The following ZCWPW2 variants were observed in gnomAD, a reference collection of about 807,000 sequenced individuals.
ZCWPW2 encodes zinc finger CW-type and PWWP domain containing 2.
A neutral mutation model predicts 46.6 loss-of-function variants in ZCWPW2; 45 were observed. The ratio of observed to expected loss-of-function variants is 0.96; its 90% CI spans 0.76 to 1.24. The LOEUF (loss-of-function observed/expected upper bound fraction) is 1.24, where lower values mean the gene tolerates loss of function less well. Ranked by LOEUF, ZCWPW2 falls within the 50% of genes most tolerant of loss-of-function variation. The pLI is 0.00. For missense variants in ZCWPW2, 429 were observed against 403.9 expected (o/e 1.06, Z -0.53); for synonymous variants, 152 against 137.1 (o/e 1.11, Z -0.76).
At chr3:28,486,265 A>G (rs1699596443) in intron 5 of ZCWPW2, among the ~76,000 whole-genome samples, 1 of 152,178 alleles carries the variant, frequency 6.6e-6, no homozygotes, top group East Asian at 1.9e-4. Context: ...TTACTTATAT[A>G]TAAGCATATA....
At chr3:28,513,023 T>G (rs1468148140) in intron 6 of ZCWPW2, among the ~76,000 whole-genome samples, 1 of 152,156 alleles carries the variant, frequency 6.6e-6, no homozygotes, top group African/African-American at 2.4e-5. Context: ...AGCAAAACAT[T>G]TCCAGAACTC....
At chr3:28,355,004 G>C (rs1321464123) in intron 1 of ZCWPW2, among the ~76,000 whole-genome samples, 1 of 147,230 alleles carries the variant, frequency 6.8e-6, no homozygotes, top group Non-Finnish European at 1.5e-5. Context: ...TCTGGCCAGG[G>C]TAATCAGGCA....
chr3:28,424,485 G>GA (rs1440403565), intron 3 of ZCWPW2, among the ~76,000 whole-genome samples: 1 of 152,148 alleles, frequency 6.6e-6, no homozygotes, highest in Non-Finnish European at 1.5e-5. Flanking sequence ...ATCCTTATAA[G>GA]AAGAGGAGAT....
chr3:28,409,777 A>G (rs1696325056), intron 2 of ZCWPW2, among the ~76,000 whole-genome samples: 1 of 152,208 alleles, frequency 6.6e-6, no homozygotes, highest in Non-Finnish European at 1.5e-5. Flanking sequence ...ATTTGTTTTA[A>G]TACAAGTTAG....
intron 7 of ZCWPW2, among the ~76,000 whole-genome samples, chr3:28,515,031 T>C (rs1240306954): frequency 6.6e-6 from 1 of 152,208 alleles, no homozygotes; most frequent in Non-Finnish European, 1.5e-5. Context: ...AATCTCCATT[T>C]TAAAAAATGA....
At chr3:28,356,471 A>C (rs1704735475) in intron 1 of ZCWPW2, among the ~76,000 whole-genome samples, 1 of 152,240 alleles carries the variant, frequency 6.6e-6, no homozygotes, top group Admixed American at 6.5e-5. Context: ...CTAGAAGTAG[A>C]AATACTATTT....
At position 28,420,714 on chromosome 3, in the gene ZCWPW2, T is replaced by C. The variant is rs147659478; in HGVS notation, c.332+7314T>C. 2.5e-3 allele frequency among the ~76,000 whole-genome samples: 386 copies of C among 152,240 alleles called. 1 individual carries two copies. Among genetic ancestry groups the C allele is most frequent in the African/African-American group, 8.4e-3 (350 of 41,560 alleles). On this transcript the variant is annotated intron_variant, in intron 3 of 9. Coordinates refer to ENST00000383768, the MANE Select transcript of ZCWPW2 (RefSeq NM_001040432.4). ...TTCACTTTTTGGTAGGGGTATTATT[T>C]ATTTTTACCATAACAACTTTATATT...
At chr3:28,444,889 T>C (rs954919635) in intron 4 of ZCWPW2, among the ~76,000 whole-genome samples, 1 of 152,162 alleles carries the variant, frequency 6.6e-6, no homozygotes, top group African/African-American at 2.4e-5. Flanking sequence ...TTGCCTCACA[T>C]GGGCAGTGAA....
intron 1 of ZCWPW2, among the ~76,000 whole-genome samples, chr3:28,351,822 A>G (rs1704563734): frequency 6.6e-6 from 1 of 152,048 alleles, no homozygotes; most frequent in Non-Finnish European, 1.5e-5. Context: ...TAATATGTCA[A>G]TACCACTAAA....
At chr3:28,496,590 A>G (rs557104108) in intron 6 of ZCWPW2, among the ~76,000 whole-genome samples, 1 of 152,136 alleles carries the variant, frequency 6.6e-6, no homozygotes, top group East Asian at 1.9e-4. Flanking sequence ...TGTTAATTTC[A>G]CTTAGTAAGG....
At chr3:28,367,663 G>A (rs35194037) in intron 1 of ZCWPW2, among the ~76,000 whole-genome samples, 31,669 of 151,980 alleles carry the variant, frequency 0.21, 3,705 homozygotes, top group Admixed American at 0.28. Context: ...TATTAGGTCC[G>A]CTTGGTGCAG....
At chr3:28,371,995 C>CTTT (rs1559477609) in intron 1 of ZCWPW2, among the ~76,000 whole-genome samples, 1 of 151,550 alleles carries the variant, frequency 6.6e-6, no homozygotes, top group Non-Finnish European at 1.5e-5. Context: ...TCCTCCTGCT[C>CTTT]CTCCTCTTTC....
At chr3:28,410,418 G>A (rs1356169890) in intron 2 of ZCWPW2, among the ~76,000 whole-genome samples, 1 of 104,474 alleles carries the variant, frequency 9.6e-6, no homozygotes, top group African/African-American at 3.8e-5. Context: ...TGAAAAATAT[G>A]CATCATTTTT....
intron 6 of ZCWPW2, among the ~76,000 whole-genome samples, chr3:28,504,070 A>T (rs1450705248): frequency 6.6e-6 from 1 of 151,830 alleles, no homozygotes; most frequent in Non-Finnish European, 1.5e-5. Flanking sequence ...GGTGGCGTGC[A>T]TCTGTGGTCC....
At chr3:28,490,335 A>C (rs1047267953) in intron 5 of ZCWPW2, among the ~76,000 whole-genome samples, 2 of 152,120 alleles carry the variant, frequency 1.3e-5, no homozygotes, top group African/African-American at 4.8e-5. Context: ...ACCCAAAGAA[A>C]TATAAATCAT....
rs1553627187 is a variant in ZCWPW2 at position 28,352,167 on chromosome 3, C to CGA, written c.-134+2971_-134+2972dup. 6.5e-3 allele frequency among the ~76,000 whole-genome samples: 960 copies of CGA among 147,628 alleles called. 4 individuals carry two copies. Among genetic ancestry groups the CGA allele is most frequent in the Non-Finnish European group, 8.6e-3 (575 of 67,168 alleles). ...ACACACACACACACACACACACACA[C>CGA]GAGAGAGAATTATGTATGCCTTGCA... On this transcript the variant is annotated intron_variant, in intron 1 of 9. Transcript: ENST00000383768.
At chr3:28,376,853 G>A (rs1159362929) in intron 1 of ZCWPW2, among the ~76,000 whole-genome samples, 1 of 152,022 alleles carries the variant, frequency 6.6e-6, no homozygotes, top group Non-Finnish European at 1.5e-5. Context: ...TTAATGGAAG[G>A]AAAAGATAAA....
At chr3:28,389,750 A>G (rs1695414668) in intron 1 of ZCWPW2, among the ~76,000 whole-genome samples, 1 of 152,148 alleles carries the variant, frequency 6.6e-6, no homozygotes, top group Non-Finnish European at 1.5e-5. Context: ...ATCTCATGCA[A>G]TTGTGGATAC....
intron 9 of ZCWPW2, among the ~76,000 whole-genome samples, chr3:28,524,191 G>A (rs1700795789): frequency 6.6e-6 from 1 of 151,854 alleles, no homozygotes; most frequent in Admixed American, 6.6e-5. Flanking sequence ...GACTAAAACA[G>A]TCACATTTTA....
Sources: gnomAD v4.1 joint callset for allele counts (sites outside exome capture counted in the v4.1 genomes callset) on GRCh38, gnomAD v4.1.1 for gene constraint, MANE v1.5 for transcripts, NCBI Gene and HGNC (gene_info 2026-07-23, HGNC 2026-07-21) for gene names.